PTPRR: variants seen among roughly 807,000 people sequenced by gnomAD.
PTPRR encodes receptor-type tyrosine-protein phosphatase R.
PTPRR carries 38 observed loss-of-function variants against 77.2 expected under a neutral mutation model. That is an observed-to-expected ratio of 0.49 (90% confidence interval 0.38 to 0.65). PTPRR has a LOEUF of 0.65. Among genes scored for constraint, PTPRR ranks in the 30% least tolerant of loss-of-function variants. PTPRR has a pLI of 0.00. For missense variants in PTPRR, 744 were observed against 799.2 expected, an observed-to-expected ratio of 0.93 and a Z score of 0.83; for synonymous variants, 299 against 283.1, an observed-to-expected ratio of 1.06 and a Z score of -0.57.
At chr12:70,858,295 C>T (rs954268266) in intron 2 of PTPRR, among the ~76,000 whole-genome samples, 1 of 152,126 alleles carries the variant, frequency 6.6e-6, no homozygotes, top group African/African-American at 2.4e-5. Flanking sequence ...GAATTTCCTC[C>T]AATAAATCTC....
At chr12:70,745,737 A>G in intron 6 of PTPRR, 81 bp downstream of exon 6, 1 of 1,453,630 alleles carries the variant, frequency 6.9e-7, no homozygotes, top group Non-Finnish European at 9.3e-7. Context: ...TATGTCAATC[A>G]TTACTAGTTC....
intron 10 of PTPRR, among the ~76,000 whole-genome samples, chr12:70,675,027 T>G (rs770447670): frequency 6.6e-6 from 1 of 152,074 alleles, no homozygotes; most frequent in Non-Finnish European, 1.5e-5. Context: ...TTGTTTTGAT[T>G]TGAAATTCAT....
chr12:70,863,531 C>T (rs951172224), intron 2 of PTPRR, among the ~76,000 whole-genome samples: 14 of 152,016 alleles, frequency 9.2e-5, no homozygotes, highest in Non-Finnish European at 1.9e-4. Flanking sequence ...TTGAAGGTAA[C>T]CATTCTAGGA....
chr12:70,764,596 G>A, intron 3 of PTPRR, 69 bp downstream of exon 3: 2 of 1,254,602 alleles, frequency 1.6e-6, no homozygotes, highest in Non-Finnish European at 2.3e-6. Context: ...TATAGCATGA[G>A]CCCTTTAGTG....
chr12:70,890,787 A>G (rs918239332), intron 2 of PTPRR, among the ~76,000 whole-genome samples: 1 of 152,134 alleles, frequency 6.6e-6, no homozygotes, highest in Non-Finnish European at 1.5e-5. Flanking sequence ...ACACACATCA[A>G]TTATTCCATT....
rs55706225 is a variant in PTPRR, at chr12:70,804,105, C to T, written c.358-39327G>A. ...TGAGTGTCTTCTTAAATTTTTTGCC[C>T]TCAATGCCTGTCTTGTTTCACCTGT... On this transcript the variant is annotated intron_variant, in intron 2 of 13. Transcript: ENST00000283228. 4.2e-3 allele frequency among the ~76,000 whole-genome samples: 627 copies of T among 149,606 alleles called. 9 individuals are homozygous for T. The highest frequency in any genetic ancestry group is 0.015 in the African/African-American group (595 of 40,826).
chr12:70,740,700 C>A (rs1890019116), intron 6 of PTPRR, among the ~76,000 whole-genome samples: 1 of 151,918 alleles, frequency 6.6e-6, no homozygotes, highest in Admixed American at 6.6e-5. Context: ...TAGATTCTCC[C>A]AATCAGGGAT....
chr12:70,892,195 C>G (rs1893349846), intron 2 of PTPRR, among the ~76,000 whole-genome samples: 1 of 151,912 alleles, frequency 6.6e-6, no homozygotes, highest in Admixed American at 6.6e-5. Context: ...TTTATTTGCT[C>G]CAGTGACAGA....
intron 5 of PTPRR, 41 bp downstream of exon 5, chr12:70,754,150 G>A (rs770876755): frequency 6.3e-7 from 1 of 1,584,338 alleles, no homozygotes; most frequent in South Asian, 1.1e-5. Flanking sequence ...ATCAAGCAGT[G>A]GGCTGAGCAA....
intron 2 of PTPRR, among the ~76,000 whole-genome samples, chr12:70,850,386 G>T (rs1444831523): frequency 6.6e-6 from 1 of 151,872 alleles, no homozygotes; most frequent in African/African-American, 2.4e-5. Context: ...AGGTAATTTT[G>T]TATCTATTTC....
intron 7 of PTPRR, among the ~76,000 whole-genome samples, chr12:70,700,216 G>A (rs1888370151): frequency 6.6e-6 from 1 of 152,178 alleles, no homozygotes; most frequent in Non-Finnish European, 1.5e-5. Flanking sequence ...TAGGATGGCT[G>A]CAAATGCCTG....
intron 2 of PTPRR, among the ~76,000 whole-genome samples, chr12:70,838,038 TAAGTTC>T (rs923108623): frequency 2.0e-4 from 30 of 152,304 alleles, no homozygotes; most frequent in African/African-American, 6.7e-4. Context: ...TTCCCCACCA[TAAGTTC>T]AATTTATGCA....
chr12:70,651,644 AG>A (rs141505198), intron 13 of PTPRR, among the ~76,000 whole-genome samples: 10 of 152,298 alleles, frequency 6.6e-5, no homozygotes, highest in Non-Finnish European at 1.2e-4. Flanking sequence ...TATGTTGCCC[AG>A]GGTGGGTGGC....
At chr12:70,852,972 G>A (rs1341922669) in intron 2 of PTPRR, among the ~76,000 whole-genome samples, 3 of 152,142 alleles carry the variant, frequency 2.0e-5, no homozygotes, top group Non-Finnish European at 4.4e-5. Context: ...AGATTACCGT[G>A]GCAAATTTCT....
In PTPRR at chr12:70,698,262, T is replaced by A; in HGVS notation, c.1279+3A>T. ...ATGCAAATTATAAAATCAAGAAGCT[T>A]ACTTGGTAAAATGGTCTTATAGCGA... On this transcript the variant is annotated splice_donor_region_variant and intron_variant, in intron 8 of 13. Coordinates refer to ENST00000283228, the MANE Select transcript of PTPRR (RefSeq NM_002849.4). 6.2e-7 allele frequency: 1 copy of A among 1,611,978 alleles called. No individual in the cohort carries two copies. Among genetic ancestry groups the A allele is most frequent in the South Asian group, 1.1e-5 (1 of 91,002 alleles).
chr12:70,670,550 T>C (rs1354776320), intron 10 of PTPRR, among the ~76,000 whole-genome samples: 2 of 152,236 alleles, frequency 1.3e-5, no homozygotes, highest in African/African-American at 4.8e-5. Flanking sequence ...GATCAATAAA[T>C]GGTAGTGGCT....
chr12:70,716,918 T>C (rs1592700491), intron 6 of PTPRR, among the ~76,000 whole-genome samples: 1 of 152,208 alleles, frequency 6.6e-6, no homozygotes, highest in Non-Finnish European at 1.5e-5. Context: ...CTGGTAATCA[T>C]TAAGTTCTCA....
chr12:70,682,058 T>G (rs1233404658), intron 10 of PTPRR, among the ~76,000 whole-genome samples: 2 of 139,748 alleles, frequency 1.4e-5, no homozygotes, highest in Admixed American at 7.1e-5. Context: ...TTTTTTTTTT[T>G]TTTGAGACGG....
chr12:70,732,776 G>A (rs1157744726), intron 6 of PTPRR, among the ~76,000 whole-genome samples: 3 of 151,994 alleles, frequency 2.0e-5, no homozygotes, highest in Non-Finnish European at 4.4e-5. Context: ...GGCCAAGCTG[G>A]TCTCAAACTC....
Sources: allele counts gnomAD v4.1 joint callset (sites outside exome capture counted in the v4.1 genomes callset), GRCh38; gene constraint gnomAD v4.1.1; transcripts MANE v1.5; gene names NCBI Gene and HGNC (gene_info 2026-07-23, HGNC 2026-07-21).